The following KCNU1 variants were observed in gnomAD, a reference collection of about 807,000 sequenced individuals.
The protein encoded by KCNU1 is potassium channel subfamily U member 1.
A neutral mutation model predicts 126.8 loss-of-function variants in KCNU1; 93 were observed. The observed-to-expected ratio is 0.73, with a 90% CI of 0.62 to 0.87. KCNU1 has a LOEUF of 0.87. Among genes scored for constraint, KCNU1 ranks in the 40% least tolerant of loss-of-function variants. The pLI is 0.00. For missense variants in KCNU1, 1,330 were observed against 1,367.1 expected, an observed-to-expected ratio of 0.97 and a Z score of 0.43; for synonymous variants, 523 against 494.2, an observed-to-expected ratio of 1.06 and a Z score of -0.77.
chr8:36,813,178 A>G (rs983799393), intron 7 of KCNU1, among the ~76,000 whole-genome samples: 1 of 152,168 alleles, frequency 6.6e-6, no homozygotes, highest in Non-Finnish European at 1.5e-5. Context: ...CTTACTTTGG[A>G]GTGGAGTATT....
At chr8:36,889,592 A>G (rs1390825850) in intron 19 of KCNU1, among the ~76,000 whole-genome samples, 4 of 152,214 alleles carry the variant, frequency 2.6e-5, no homozygotes, top group African/African-American at 9.6e-5. Flanking sequence ...ATAAAAGGGC[A>G]TAAAGAAGAA....
chr8:36,884,860 A>C (rs901324586), intron 19 of KCNU1, among the ~76,000 whole-genome samples: 1 of 152,210 alleles, frequency 6.6e-6, no homozygotes, highest in Non-Finnish European at 1.5e-5. Context: ...CTGTGGTTGA[A>C]TTTCCAGTTT....
intron 16 of KCNU1, among the ~76,000 whole-genome samples, chr8:36,841,558 C>T (rs369784337): frequency 8.5e-5 from 13 of 152,116 alleles, no homozygotes; most frequent in Middle Eastern, 6.8e-3. Flanking sequence ...AGGACATTGT[C>T]GTGCACCTGG....
intron 18 of KCNU1, among the ~76,000 whole-genome samples, chr8:36,859,043 A>G (rs780090066): frequency 1.3e-5 from 2 of 152,220 alleles, no homozygotes; most frequent in Non-Finnish European, 1.5e-5. Context: ...CAAATGATCA[A>G]CTGTTACTGA....
chr8:36,922,717 C>G, intron 24 of KCNU1, 88 bp downstream of exon 24: 1 of 1,296,966 alleles, frequency 7.7e-7, no homozygotes, highest in East Asian at 2.4e-5. Flanking sequence ...GATGATAACA[C>G]CTCACAGTTC....
chr8:36,797,110 C>T (rs954444780), intron 2 of KCNU1, among the ~76,000 whole-genome samples: 1 of 152,128 alleles, frequency 6.6e-6, no homozygotes, highest in Non-Finnish European at 1.5e-5. Context: ...GGTTCAAACA[C>T]TCGCGCCTCC....
At chr8:36,813,500 A>G (rs1477328640) in intron 7 of KCNU1, among the ~76,000 whole-genome samples, 3 of 150,436 alleles carry the variant, frequency 2.0e-5, no homozygotes, top group Non-Finnish European at 3.0e-5. Flanking sequence ...TATGTTATAT[A>G]TAATATATTA....
At chr8:36,855,116 C>G (rs1277427451) in intron 18 of KCNU1, among the ~76,000 whole-genome samples, 1 of 152,074 alleles carries the variant, frequency 6.6e-6, no homozygotes. Context: ...GAGATGAGAG[C>G]TTTGGAACTT....
intron 24 of KCNU1, chr8:36,923,035 G>T (rs930502609): frequency 2.2e-6 from 1 of 458,408 alleles, no homozygotes; most frequent in Non-Finnish European, 4.4e-6. Context: ...AGAAGCTCTG[G>T]CCTTTGCTGG....
intron 19 of KCNU1, among the ~76,000 whole-genome samples, chr8:36,872,758 G>A (rs547493559): frequency 2.0e-5 from 3 of 152,144 alleles, no homozygotes; most frequent in Non-Finnish European, 4.4e-5. Flanking sequence ...TTAAAATTCT[G>A]CATTTGTGCT....
chr8:36,857,390 C>G (rs1254755055), intron 18 of KCNU1, among the ~76,000 whole-genome samples: 1 of 152,080 alleles, frequency 6.6e-6, no homozygotes, highest in Non-Finnish European at 1.5e-5. Context: ...GAGGCTGTGT[C>G]CCTCACAGGG....
intron 10 of KCNU1, among the ~76,000 whole-genome samples, chr8:36,830,071 T>G (rs954290117): frequency 4.0e-5 from 6 of 149,510 alleles, no homozygotes; most frequent in Non-Finnish European, 7.4e-5. Context: ...TTAAAACAAT[T>G]TATCTTTATT....
Position 36,922,508 on chromosome 8 carries a change from A to G in KCNU1, c.2615A>G (p.His872Arg), listed in dbSNP as rs1237283805. 7.5e-6 allele frequency: 12 copies of G among 1,610,152 alleles called. No homozygotes were observed. Among genetic ancestry groups the G allele is most frequent in the Non-Finnish European group, 1.0e-5 (12 of 1,178,864 alleles). ...LTELKNPSNIHFIEQLGGLEG... is the reference protein window; with the variant it reads ...LTELKNPSNIRFIEQLGGLEG... ...CTTGCAGAAAATCCTTCCAACATTCACTTTATTGAACAGCTTGGTGGACTG... is the reference window on the plus strand; with the variant it reads ...CTTGCAGAAAATCCTTCCAACATTCGCTTTATTGAACAGCTTGGTGGACTG... The change falls in exon 24 of 27, where the codon CAC (histidine) becomes CGC (arginine). Residue 872 changes from histidine (H) to arginine (R), a missense_variant. By Grantham distance (29) the His-to-Arg change is conservative (BLOSUM62 0). Transcript: ENST00000399881.
At chr8:36,811,645 G>T (rs992771301) in intron 7 of KCNU1, among the ~76,000 whole-genome samples, 3 of 152,172 alleles carry the variant, frequency 2.0e-5, no homozygotes, top group Non-Finnish European at 4.4e-5. Flanking sequence ...AGAAGTAGTG[G>T]TAGTGGCTGG....
Position 36,906,319 on chromosome 8 carries a change from C to T in KCNU1, c.2106+515C>T, listed in dbSNP as rs541662096. Among the ~76,000 whole-genome samples, 223 of 152,102 alleles carry T rather than the reference C, an allele frequency of 1.5e-3. 1 individual carries two copies. The highest frequency in any genetic ancestry group is 0.014 in the Middle Eastern group (4 of 294). On this transcript the variant is annotated intron_variant, in intron 20 of 26. Coordinates refer to ENST00000399881, the MANE Select transcript of KCNU1 (RefSeq NM_001031836.3). ...CCACAAATATGCCTCCTAAACACTC[C>T]GTACAACCGGGGTGAATCTTTGTAG...
chr8:36,916,236 AAAGG>A (rs1299121854), intron 22 of KCNU1, among the ~76,000 whole-genome samples: 3 of 148,946 alleles, frequency 2.0e-5, no homozygotes, highest in Admixed American at 6.7e-5. Flanking sequence ...GAAGGCAAAG[AAAGG>A]AAGGAAGGAA....
intron 2 of KCNU1, among the ~76,000 whole-genome samples, chr8:36,793,421 T>G (rs1802976126): frequency 6.6e-6 from 1 of 151,872 alleles, no homozygotes; most frequent in East Asian, 1.9e-4. Flanking sequence ...ATGAATTTTT[T>G]ATAAAATTTT....
chr8:36,810,394 C>A (rs1803668419), intron 7 of KCNU1, among the ~76,000 whole-genome samples: 2 of 152,138 alleles, frequency 1.3e-5, no homozygotes. Context: ...TGTTTCCCTG[C>A]TGGACATCTG....
intron 19 of KCNU1, among the ~76,000 whole-genome samples, chr8:36,904,866 G>A (rs762422289): frequency 7.9e-5 from 12 of 152,122 alleles, no homozygotes; most frequent in Non-Finnish European, 1.8e-4. Context: ...TATAGTGTAG[G>A]TGAGAAGAAG....
Sources: gnomAD v4.1 joint callset for allele counts (sites outside exome capture counted in the v4.1 genomes callset) on GRCh38, gnomAD v4.1.1 for gene constraint, MANE v1.5 for transcripts, NCBI Gene and HGNC (gene_info 2026-07-23, HGNC 2026-07-21) for gene names.